ATXN10: variants seen among roughly 807,000 people sequenced by gnomAD.
ATXN10 encodes the protein ataxin 10.
In ATXN10, 28 loss-of-function variants were observed where a neutral mutation model predicts 52.9. The observed-to-expected ratio is 0.53, with a 90% CI of 0.39 to 0.73. The LOEUF is 0.73. ATXN10 is among the 30% of genes least tolerant of loss of function. The pLI is 0.00. For missense variants in ATXN10, 565 were observed against 577.0 expected, an observed-to-expected ratio of 0.98 and a Z score of 0.21; for synonymous variants, 226 against 221.5, an observed-to-expected ratio of 1.02 and a Z score of -0.18.
chr22:45,797,319 A>G (rs761005425), intron 9 of ATXN10, among the ~76,000 whole-genome samples: 2 of 152,242 alleles, frequency 1.3e-5, no homozygotes, highest in South Asian at 2.1e-4. Context: ...TGCTGGGGCC[A>G]TAACAGTGCT....
intron 9 of ATXN10, 22 bp from the exon 10 acceptor site, chr22:45,806,937 A>C: frequency 1.2e-6 from 2 of 1,601,370 alleles, no homozygotes; most frequent in Non-Finnish European, 1.7e-6. Flanking sequence ...TCAGTGTATA[A>C]ACTTATCTTC....
In ATXN10 at chr22:45,795,130, C is replaced by T. The variant is rs1165348827; in HGVS notation, c.1174-11829C>T. Among the ~76,000 whole-genome samples the T allele has an allele frequency of 6.6e-6, 1 of 152,046 alleles. No homozygotes were observed. Among genetic ancestry groups the T allele is most frequent in the African/African-American group, 2.4e-5 (1 of 41,394 alleles). Reference sequence around the variant, plus strand: ...AAGGTAAAGATGTATACTCTAAACTCCAGTGCAACCACTTTTAGAAAAAGA... The same window carrying T: ...AAGGTAAAGATGTATACTCTAAACTTCAGTGCAACCACTTTTAGAAAAAGA... On this transcript the variant is annotated intron_variant, in intron 9 of 11. Transcript: ENST00000252934. The surrounding 1 kb of genome is among the most constrained non-coding windows in gnomAD (Gnocchi z 4.6).
In ATXN10 at chr22:45,840,634, T is replaced by C. The variant is rs771182775; in HGVS notation, c.1238-2357T>C. Among the ~76,000 whole-genome samples the C allele has an allele frequency of 6.6e-6, 1 of 151,880 alleles. No individual in the cohort carries two copies. The highest frequency in any genetic ancestry group is 1.5e-5 in the Non-Finnish European group (1 of 67,970). On this transcript the variant is annotated intron_variant, in intron 10 of 11. Coordinates refer to ENST00000252934, the MANE Select transcript of ATXN10 (RefSeq NM_013236.4). This position sits in a 1 kb window ranked among gnomAD's most constrained non-coding sequence, Gnocchi z 5.8. Reference sequence around the variant, plus strand: ...TGGCAGGGTCTCACGTGCCCTGGAGTGGAGCAGTTTGATAGTCCCTTTCCT... The same window carrying C: ...TGGCAGGGTCTCACGTGCCCTGGAGCGGAGCAGTTTGATAGTCCCTTTCCT...
chr22:45,680,950 C>T (rs1418956708), intron 1 of ATXN10, among the ~76,000 whole-genome samples: 1 of 152,132 alleles, frequency 6.6e-6, no homozygotes, highest in Non-Finnish European at 1.5e-5. Context: ...AGGCTGTTTT[C>T]TCTCCTGCAC....
intron 5 of ATXN10, among the ~76,000 whole-genome samples, chr22:45,707,206 AC>A (rs765396319): frequency 2.0e-5 from 3 of 152,294 alleles, no homozygotes; most frequent in Admixed American, 6.5e-5. Flanking sequence ...TGATTAGGCC[AC>A]AGATTTTCTC....
intron 2 of ATXN10, 74 bp from the exon 3 acceptor site, chr22:45,692,922 G>A (rs879559723): frequency 2.1e-5 from 25 of 1,204,946 alleles, no homozygotes; most frequent in Non-Finnish European, 3.1e-5. Context: ...CTCTCCCATT[G>A]TAGTGCAAAA....
At position 45,687,603 on chromosome 22, in the gene ATXN10, A is replaced by G. The variant is rs550941516; in HGVS notation, c.117-2109A>G. ...ATAGCATTAAATAATAAATGGCTTC[A>G]AAACTTCATGCAGATGGGGCAAATA... On this transcript the variant is annotated intron_variant, in intron 1 of 11. Transcript: ENST00000252934. Among the ~76,000 whole-genome samples the G allele has an allele frequency of 3.9e-5, 6 of 152,354 alleles. No individual in the cohort carries two copies. The East Asian group carries it at 1.2e-3, about 29-fold the overall frequency.
rs1210034330 is a variant in ATXN10 at position 45,833,686 on chromosome 22, G to T, written c.1238-9305G>T. Among the ~76,000 whole-genome samples the T allele has an allele frequency of 6.6e-6, 1 of 152,132 alleles. No individual in the cohort carries two copies. Among genetic ancestry groups the T allele is most frequent in the Non-Finnish European group, 1.5e-5 (1 of 68,012 alleles). Reference sequence around the variant, plus strand: ...TGGTATCTGCAAGTTTATCACTTGGGATTTCTTTGAAGAGAAAGGGATGTA... The same window carrying T: ...TGGTATCTGCAAGTTTATCACTTGGTATTTCTTTGAAGAGAAAGGGATGTA... On this transcript the variant is annotated intron_variant, in intron 10 of 11. Coordinates refer to ENST00000252934, the MANE Select transcript of ATXN10 (RefSeq NM_013236.4). This position sits in a 1 kb window ranked among gnomAD's most constrained non-coding sequence, Gnocchi z 4.3.
rs1382019057 is a variant in ATXN10 at position 45,705,699 on chromosome 22, G to A, written c.647+2852G>A. On this transcript the variant is annotated intron_variant, in intron 5 of 11. Coordinates refer to ENST00000252934, the MANE Select transcript of ATXN10 (RefSeq NM_013236.4). The surrounding 1 kb of genome is among the most constrained non-coding windows in gnomAD (Gnocchi z 5.2). ...GCCACCTGCCTCAGCCTCCCAAAGT[G>A]CTGGGATTACAGGCGTGAGCCACCG... Among the ~76,000 whole-genome samples, 1 of 152,164 alleles carries A rather than the reference G, an allele frequency of 6.6e-6. No homozygotes were observed. The highest frequency in any genetic ancestry group is 1.5e-5 in the Non-Finnish European group (1 of 68,030).
At chr22:45,803,185 G>C (rs1927984094) in intron 9 of ATXN10, among the ~76,000 whole-genome samples, 1 of 152,180 alleles carries the variant, frequency 6.6e-6, no homozygotes, top group African/African-American at 2.4e-5. Flanking sequence ...CCAAGTCTTA[G>C]GGGTTTCTTG....
At position 45,784,362 on chromosome 22, in the gene ATXN10, A is replaced by G. The variant is rs1038024013; in HGVS notation, c.1174-22597A>G. On this transcript the variant is annotated intron_variant, in intron 9 of 11. Coordinates refer to ENST00000252934, the MANE Select transcript of ATXN10 (RefSeq NM_013236.4). This position sits in a 1 kb window ranked among gnomAD's most constrained non-coding sequence, Gnocchi z 4.2. ...TATTTGCATGGAAGAGATTTGTAATATAGTAGGATACTTGGCACGTTTCCT... is the reference window on the plus strand; with the variant it reads ...TATTTGCATGGAAGAGATTTGTAATGTAGTAGGATACTTGGCACGTTTCCT... Among the ~76,000 whole-genome samples, 6 of 152,214 alleles carry G rather than the reference A, an allele frequency of 3.9e-5. No individual in the cohort carries two copies. Among genetic ancestry groups the G allele is most frequent in the Admixed American group, 3.9e-4 (6 of 15,278 alleles).
chr22:45,812,509 A>G (rs1928316049), intron 10 of ATXN10, among the ~76,000 whole-genome samples: 1 of 152,100 alleles, frequency 6.6e-6, no homozygotes, highest in Non-Finnish European at 1.5e-5. Context: ...GCTCAAGAGA[A>G]ATGTCTCCCA....
chr22:45,716,139 C>G (rs751958971), intron 5 of ATXN10, among the ~76,000 whole-genome samples: 14 of 152,026 alleles, frequency 9.2e-5, no homozygotes, highest in Non-Finnish European at 1.3e-4. Flanking sequence ...GTGGCACATG[C>G]GTGTAGTTCT....
At chr22:45,736,715 AGAG>A (rs1273908630) in intron 7 of ATXN10, among the ~76,000 whole-genome samples, 1 of 152,188 alleles carries the variant, frequency 6.6e-6, no homozygotes, top group Non-Finnish European at 1.5e-5. Flanking sequence ...AATTCGTTCC[AGAG>A]GCATATTCAG....
At chr22:45,707,645 AATATG>A (rs952954566) in intron 5 of ATXN10, among the ~76,000 whole-genome samples, 1 of 147,796 alleles carries the variant, frequency 6.8e-6, no homozygotes, top group African/African-American at 2.5e-5. Context: ...AATATAATAT[AATATG>A]ATATAATATA....
At chr22:45,792,832 T>C in intron 9 of ATXN10, 1 of 528,618 alleles carries the variant, frequency 1.9e-6, no homozygotes, top group Non-Finnish European at 3.8e-6. Context: ...GCCAAAAGAG[T>C]CATTGGCTTT....
At chr22:45,796,556 G>A (rs1053407905) in intron 9 of ATXN10, among the ~76,000 whole-genome samples, 5 of 152,022 alleles carry the variant, frequency 3.3e-5, no homozygotes, top group African/African-American at 4.8e-5. Flanking sequence ...ATGTGATATC[G>A]CTCCCAGAGA....
rs118069733 is a variant in ATXN10, at chr22:45,839,805, C to T, written c.1238-3186C>T. On this transcript the variant is annotated intron_variant, in intron 10 of 11. Transcript: ENST00000252934. Reference sequence around the variant, plus strand: ...CTCCTTGCCTGGGTTGCATTTATATCGGTTTACTTTCATCTAATCTCTCAA... The same window carrying T: ...CTCCTTGCCTGGGTTGCATTTATATTGGTTTACTTTCATCTAATCTCTCAA... Among the ~76,000 whole-genome samples, 1,297 of 152,284 alleles carry T rather than the reference C, an allele frequency of 8.5e-3. 9 individuals carry two copies. The highest frequency in any genetic ancestry group is 0.013 in the Non-Finnish European group (898 of 68,028).
At position 45,740,399 on chromosome 22, in the gene ATXN10, A is replaced by G; in HGVS notation, c.1034A>G (p.Lys345Arg). 2 of 1,613,972 alleles carry G rather than the reference A, an allele frequency of 1.2e-6. No homozygotes were observed. Among genetic ancestry groups the G allele is most frequent in the Non-Finnish European group, 1.7e-6 (2 of 1,179,900 alleles). ...DLLRVIHVAG[K>R]ETTNIFSNCG... ...TTGCGGGTGATTCATGTAGCTGGAA[A>G]AGAAACCACAAACATCTTCAGTAAT... The change falls in exon 9 of 12, where the codon AAA becomes AGA. Residue 345 changes from lysine (K) to arginine (R), a missense_variant. Transcript: ENST00000252934.
Sources: gnomAD v4.1 joint callset for allele counts (sites outside exome capture counted in the v4.1 genomes callset) on GRCh38, gnomAD v4.1.1 for gene constraint, Gnocchi (gnomAD v3.1) non-coding constraint, MANE v1.5 for transcripts, NCBI Gene and HGNC (gene_info 2026-07-23, HGNC 2026-07-21) for gene names.